The following NUP153 variants were observed in gnomAD, a reference collection of about 807,000 sequenced individuals.
NUP153 encodes the protein nucleoporin 153, also known as nuclear pore complex protein Nup153.
In NUP153, 27 loss-of-function variants were observed where a neutral mutation model predicts 134.6. The observed-to-expected ratio is 0.20, with a 90% CI of 0.15 to 0.28. The LOEUF (loss-of-function observed/expected upper bound fraction) is 0.28. Among genes scored for constraint, NUP153 ranks in the 10% least tolerant of loss-of-function variants. NUP153 has a pLI of 1.00. For missense variants in NUP153, 1,821 were observed against 1,731.3 expected (o/e 1.05, Z -0.92); for synonymous variants, 640 against 623.5 (o/e 1.03, Z -0.40).
intron 5 of NUP153, among the ~76,000 whole-genome samples, chr6:17,671,566 C>T (rs1000036664): frequency 1.3e-5 from 2 of 152,030 alleles, no homozygotes; most frequent in Non-Finnish European, 2.9e-5. Flanking sequence ...AAAATATGTT[C>T]GAGATCTGTA....
Position 17,646,119 on chromosome 6 carries a change from T to C in NUP153, c.1668A>G (p.Thr556=), listed in dbSNP as rs1326069273. 4 of 1,602,726 alleles carry C rather than the reference T, an allele frequency of 2.5e-6. No individual in the cohort carries two copies. The highest frequency in any genetic ancestry group is 2.7e-5 in the African/African-American group (2 of 74,696). ...TACTACTAGAACCAGAAAGTTCTGC[T>C]GTTTTTGCAACAGGCACACTAAATG... ...GFTFSVPVAK[T]AELSGSSSTL... is the part of the protein sequence containing the mutation. Residue 556 remains threonine, a synonymous_variant, in exon 14 of 22, where the codon ACA becomes ACG. Coordinates refer to ENST00000262077, the MANE Select transcript of NUP153 (RefSeq NM_005124.4).
chr6:17,678,352 C>CAAAA lies in NUP153; in HGVS notation c.335-2586_335-2583dup, dbSNP rs11428582. 6.9e-4 allele frequency among the ~76,000 whole-genome samples: 47 copies of CAAAA among 68,192 alleles called. 2 individuals are homozygous for CAAAA. The highest frequency in any genetic ancestry group is 5.3e-3 in the East Asian group (12 of 2,272). 44.7% of individuals were successfully genotyped at this position (68,192 alleles called of 152,430 possible). On this transcript the variant is annotated intron_variant, in intron 2 of 21. Transcript: ENST00000262077. ...GCCTGGTTGACAGAACCCTCTGTCT[C>CAAAA]AAAAAAAAAAAAAAAAAAAAAAAGA... is the stretch of plus-strand genomic sequence containing the variant.
Position 17,676,969 on chromosome 6 carries a change from C to T in NUP153, c.335-1199G>A, listed in dbSNP as rs1353671962. Among the ~76,000 whole-genome samples the T allele has an allele frequency of 3.3e-5, 5 of 152,186 alleles. No individual in the cohort carries two copies. The South Asian group carries it at 8.3e-4, about 25-fold the overall frequency. Reference sequence around the variant, plus strand: ...AAAACAGAGATACTAGACAGTGTACCGTGCTAGGGGAAAAAAACAATGCTG... The same window carrying T: ...AAAACAGAGATACTAGACAGTGTACTGTGCTAGGGGAAAAAAACAATGCTG... On this transcript the variant is annotated intron_variant, in intron 2 of 21. Coordinates refer to ENST00000262077, the MANE Select transcript of NUP153 (RefSeq NM_005124.4).
At position 17,624,825 on chromosome 6, in the gene NUP153, A is replaced by G; in HGVS notation, c.3910T>C (p.Phe1304Leu). 7 of 1,599,480 alleles carry G rather than the reference A, an allele frequency of 4.4e-6. No individual in the cohort carries two copies. The highest frequency in any genetic ancestry group is 6.0e-6 in the Non-Finnish European group (7 of 1,170,638). The change falls in exon 20 of 22, where the codon TTT becomes CTT. Residue 1304 changes from phenylalanine (F) to leucine (L), a missense_variant. Physicochemically the swap from Phe to Leu is conservative, Grantham distance 22 (BLOSUM62 0). Coordinates refer to ENST00000262077, the MANE Select transcript of NUP153 (RefSeq NM_005124.4). ...GCTGAGGGTCCAGTTCCAAATACAA[A>G]GGAGGATCCTGGAGGCCCAAAGAAA... is the stretch of plus-strand genomic sequence containing the variant. Reference protein sequence around the residue: ...TTTSSSAGSSFVFGTGPSAPS... With the variant: ...TTTSSSAGSSLVFGTGPSAPS...
At chr6:17,651,353 T>A (rs1314843180) in intron 11 of NUP153, among the ~76,000 whole-genome samples, 2 of 151,840 alleles carry the variant, frequency 1.3e-5, no homozygotes, top group Non-Finnish European at 2.9e-5. Context: ...AAATATTAAA[T>A]AATTAAATAA....
At chr6:17,690,491 T>C (rs1769212486) in intron 1 of NUP153, among the ~76,000 whole-genome samples, 1 of 152,210 alleles carries the variant, frequency 6.6e-6, no homozygotes, top group Non-Finnish European at 1.5e-5. Flanking sequence ...TTATTTATAG[T>C]AATTATAATG....
chr6:17,646,116 T>C lies in NUP153; in HGVS notation c.1671A>G (p.Ala557=), dbSNP rs1417942679. Residue 557 remains alanine (A), a synonymous_variant, in exon 14 of 22, where the codon GCA becomes GCG. Transcript: ENST00000262077. ...FTFSVPVAKT[A]ELSGSSSTLE... Reference sequence around the variant, plus strand: ...AAGTACTACTAGAACCAGAAAGTTCTGCTGTTTTTGCAACAGGCACACTAA... The same window carrying C: ...AAGTACTACTAGAACCAGAAAGTTCCGCTGTTTTTGCAACAGGCACACTAA... 2 of 1,602,338 alleles carry C rather than the reference T, an allele frequency of 1.2e-6. No individual in the cohort carries two copies. The highest frequency in any genetic ancestry group is 1.7e-6 in the Non-Finnish European group (2 of 1,169,728).
At position 17,621,748 on chromosome 6, in the gene NUP153, G is replaced by T. The variant is rs146115099; in HGVS notation, c.4174+2813C>A. Among the ~76,000 whole-genome samples, 1,116 of 152,250 alleles carry T rather than the reference G, an allele frequency of 7.3e-3. 13 individuals are homozygous for T. The highest frequency in any genetic ancestry group is 0.025 in the African/African-American group (1,053 of 41,534). On this transcript the variant is annotated intron_variant, in intron 20 of 21. Coordinates refer to ENST00000262077, the MANE Select transcript of NUP153 (RefSeq NM_005124.4). ...GTTAACGAATACAAACATATAGCTA[G>T]ATAGAAGGAATAAATTCTAGTATTT...
At position 17,625,738 on chromosome 6, in the gene NUP153, C is replaced by T. The variant is rs1764904390; in HGVS notation, c.3901+70G>A. The T allele has an allele frequency of 8.5e-6, 10 of 1,176,474 alleles. No homozygotes were observed. The highest frequency in any genetic ancestry group is 6.8e-5 in the South Asian group (5 of 73,204). 72.9% of individuals were successfully genotyped at this position (1,176,474 alleles called of 1,614,324 possible). A position where few individuals can be genotyped will look rare whatever the true frequency, so the allele number is the denominator to read the frequency against. ...TTGTGATAACCTGCTATATGATATTCGCTAAGAACTGACACACTAATAAGT... is the reference window on the plus strand; with the variant it reads ...TTGTGATAACCTGCTATATGATATTTGCTAAGAACTGACACACTAATAAGT... On this transcript the variant is annotated intron_variant, in intron 19 of 21. Coordinates refer to ENST00000262077, the MANE Select transcript of NUP153 (RefSeq NM_005124.4). The surrounding 1 kb of genome is among the most constrained non-coding windows in gnomAD (Gnocchi z 4.7).
chr6:17,703,404 G>C (rs748945580), intron 1 of NUP153, among the ~76,000 whole-genome samples: 1 of 151,980 alleles, frequency 6.6e-6, no homozygotes, highest in Non-Finnish European at 1.5e-5. Context: ...AACAGCGCCA[G>C]ACCTCTCATT....
chr6:17,655,931 G>A (rs913011241), intron 11 of NUP153, among the ~76,000 whole-genome samples: 2 of 152,124 alleles, frequency 1.3e-5, no homozygotes, highest in African/African-American at 2.4e-5. Context: ...AGGGCTGGGC[G>A]CAGTGGTTCA....
Position 17,680,271 on chromosome 6 carries a change from A to G in NUP153, c.335-4501T>C, listed in dbSNP as rs1247100178. On this transcript the variant is annotated intron_variant, in intron 2 of 21. Coordinates refer to ENST00000262077, the MANE Select transcript of NUP153 (RefSeq NM_005124.4). The surrounding 1 kb of genome is among the most constrained non-coding windows in gnomAD (Gnocchi z 4.5). ...GTAATAAAGACAGGCAATACAGACC[A>G]TGGACGTGAACACAGGGCCCAGAAA... 3.9e-5 allele frequency among the ~76,000 whole-genome samples: 6 copies of G among 152,216 alleles called. No individual in the cohort carries two copies. In the East Asian group the frequency reaches 1.2e-3, roughly 29 times the overall value.
At chr6:17,674,306 T>C (rs1232792000) in intron 5 of NUP153, among the ~76,000 whole-genome samples, 4 of 152,070 alleles carry the variant, frequency 2.6e-5, no homozygotes, top group African/African-American at 4.8e-5. Flanking sequence ...CAATGAAAAA[T>C]TGTAGTATGT....
chr6:17,643,744 G>A (rs980424964), intron 14 of NUP153, among the ~76,000 whole-genome samples: 1 of 152,118 alleles, frequency 6.6e-6, no homozygotes, highest in Non-Finnish European at 1.5e-5. Flanking sequence ...GTGTCAAAGT[G>A]AGAACACACA....
intron 20 of NUP153, among the ~76,000 whole-genome samples, chr6:17,620,926 T>C (rs1177060093): frequency 6.6e-5 from 10 of 152,166 alleles, no homozygotes; most frequent in South Asian, 6.2e-4. Flanking sequence ...AGTGAAAAAT[T>C]TGTTGAAAGG....
intron 1 of NUP153, among the ~76,000 whole-genome samples, chr6:17,694,228 A>G (rs1369777697): frequency 2.0e-5 from 3 of 152,200 alleles, no homozygotes; most frequent in Non-Finnish European, 1.5e-5. Context: ...ATCAGCAAGT[A>G]TTGATTGAAT....
Position 17,692,312 on chromosome 6 carries a change from T to A in NUP153, c.112-3694A>T, listed in dbSNP as rs144389087. On this transcript the variant is annotated intron_variant, in intron 1 of 21. Transcript: ENST00000262077. ...TAGAGGAACAGTGAGACAGAGACAT[T>A]ACTAGTGGCACAGTGAATGACAGCA... is the stretch of plus-strand genomic sequence containing the variant. Among the ~76,000 whole-genome samples the A allele has an allele frequency of 2.1e-4, 32 of 152,310 alleles. No individual in the cohort carries two copies. In the East Asian group the frequency reaches 5.4e-3, roughly 26 times the overall value.
At chr6:17,672,737 G>A (rs1222884751) in intron 5 of NUP153, among the ~76,000 whole-genome samples, 1 of 152,024 alleles carries the variant, frequency 6.6e-6, no homozygotes, top group African/African-American at 2.4e-5. Flanking sequence ...TCAGAACTTT[G>A]GGAGGCTGAG....
At chr6:17,623,070 CAGTGAGCGGAGA>C (rs1764730092) in intron 20 of NUP153, among the ~76,000 whole-genome samples, 1 of 148,622 alleles carries the variant, frequency 6.7e-6, no homozygotes, top group South Asian at 2.1e-4. Context: ...GCGGAGGTTG[CAGTGAGCGGAGA>C]TCAAGCCACT....
Sources: gnomAD v4.1 joint callset for allele counts (sites outside exome capture counted in the v4.1 genomes callset) on GRCh38, gnomAD v4.1.1 for gene constraint, Gnocchi (gnomAD v3.1) non-coding constraint, MANE v1.5 for transcripts, NCBI Gene and HGNC (gene_info 2026-07-23, HGNC 2026-07-21) for gene names.